PTPRN2: variants seen among roughly 807,000 people sequenced by gnomAD.
The protein encoded by PTPRN2 is receptor-type tyrosine-protein phosphatase N2.
A neutral mutation model predicts 118.8 loss-of-function variants in PTPRN2; 74 were observed. That is an observed-to-expected ratio of 0.62 (90% CI 0.52 to 0.76). The LOEUF is 0.76. PTPRN2 is among the 30% of genes least tolerant of loss of function. The probability of loss-of-function intolerance (pLI) is 0.00; values close to 1 mark genes in which losing one functional copy is unlikely to be tolerated. For missense variants in PTPRN2, 1,481 were observed against 1,394.4 expected (o/e 1.06, Z -0.99); for synonymous variants, 641 against 608.0 (o/e 1.05, Z -0.80).
At chr7:158,204,833 T>A (rs551765041) in intron 4 of PTPRN2, among the ~76,000 whole-genome samples, 2 of 152,338 alleles carry the variant, frequency 1.3e-5, no homozygotes, top group South Asian at 4.1e-4. Context: ...CACAATTCTG[T>A]TTTTTGTCTA....
chr7:157,564,139 A>AG (rs1241216975), intron 21 of PTPRN2, among the ~76,000 whole-genome samples: 1 of 146,116 alleles, frequency 6.8e-6, no homozygotes, highest in Non-Finnish European at 1.5e-5. Context: ...AGAAAAAAAA[A>AG]TATATTTTTG....
At chr7:157,968,266 C>T (rs1802080899) in intron 11 of PTPRN2, among the ~76,000 whole-genome samples, 3 of 151,716 alleles carry the variant, frequency 2.0e-5, no homozygotes, top group South Asian at 4.2e-4. Flanking sequence ...TCTCTCCAAA[C>T]CTTGAGGTTA....
intron 18 of PTPRN2, among the ~76,000 whole-genome samples, chr7:157,577,638 G>C (rs111735141): frequency 2.8e-4 from 42 of 152,304 alleles, no homozygotes; most frequent in African/African-American, 9.1e-4. Context: ...CCACTTAAAG[G>C]CTTGTTATAT....
At chr7:158,144,678 C>T (rs966016065) in intron 6 of PTPRN2, among the ~76,000 whole-genome samples, 4 of 152,144 alleles carry the variant, frequency 2.6e-5, no homozygotes, top group South Asian at 4.1e-4. Context: ...GCAGGCATCC[C>T]GGGGTGGAGC....
At chr7:158,141,958 T>A (rs1358964142) in intron 6 of PTPRN2, among the ~76,000 whole-genome samples, 1 of 152,140 alleles carries the variant, frequency 6.6e-6, no homozygotes, top group Non-Finnish European at 1.5e-5. Flanking sequence ...GCCACCGATG[T>A]CCCCTGCTGG....
At chr7:158,489,376 G>C (rs1158662756) in intron 2 of PTPRN2, among the ~76,000 whole-genome samples, 1 of 152,162 alleles carries the variant, frequency 6.6e-6, no homozygotes, top group African/African-American at 2.4e-5. Context: ...GAGCCCAGGA[G>C]GCGAAGGTTG....
intron 2 of PTPRN2, among the ~76,000 whole-genome samples, chr7:158,470,123 C>T (rs779986416): frequency 7.2e-5 from 11 of 152,284 alleles, no homozygotes; most frequent in Admixed American, 3.9e-4. Flanking sequence ...GGTGGAAAAT[C>T]GTCAAGTAGA....
chr7:157,798,006 C>G (rs866377841), intron 12 of PTPRN2, among the ~76,000 whole-genome samples: 1 of 152,208 alleles, frequency 6.6e-6, no homozygotes, highest in African/African-American at 2.4e-5. Context: ...TGCCTGTAAT[C>G]CCGGCACTTT....
At chr7:158,255,143 C>T (rs146735729) in intron 3 of PTPRN2, among the ~76,000 whole-genome samples, 4 of 152,302 alleles carry the variant, frequency 2.6e-5, no homozygotes, top group East Asian at 1.9e-4. Flanking sequence ...GCAGGCTTCA[C>T]GACGTGTGAG....
chr7:157,987,327 A>T lies in PTPRN2; in HGVS notation c.1724-88590T>A, dbSNP rs1428339732. 6.9e-6 allele frequency among the ~76,000 whole-genome samples: 1 copy of T among 145,666 alleles called. No homozygotes were observed. Among genetic ancestry groups the T allele is most frequent in the East Asian group, 2.1e-4 (1 of 4,686 alleles). Reference sequence around the variant, plus strand: ...AAAGGGGGCGAGGTTACCAGTCACTAAAGGGAAAGGGGGCGTGATGACCAG... The same window carrying T: ...AAAGGGGGCGAGGTTACCAGTCACTTAAGGGAAAGGGGGCGTGATGACCAG... On this transcript the variant is annotated intron_variant, in intron 11 of 22. Transcript: ENST00000389418. The surrounding 1 kb of genome is among the most constrained non-coding windows in gnomAD (Gnocchi z 4.3).
At chr7:157,563,235 C>G in intron 21 of PTPRN2, among the ~76,000 whole-genome samples, 1 of 139,814 alleles carries the variant, frequency 7.2e-6, no homozygotes, top group South Asian at 2.4e-4. Context: ...GGACCACGTG[C>G]TCCCGCGTCA....
At chr7:157,832,634 C>T (rs1394901522) in intron 12 of PTPRN2, among the ~76,000 whole-genome samples, 1 of 152,168 alleles carries the variant, frequency 6.6e-6, no homozygotes, top group Non-Finnish European at 1.5e-5. Flanking sequence ...GAAGGAGCTG[C>T]ACGTGTGGGG....
At chr7:158,007,285 G>C (rs1244218864) in intron 11 of PTPRN2, among the ~76,000 whole-genome samples, 1 of 152,258 alleles carries the variant, frequency 6.6e-6, no homozygotes, top group Non-Finnish European at 1.5e-5. Context: ...AGCTGCGGCA[G>C]TGCGGGGTGT....
intron 3 of PTPRN2, among the ~76,000 whole-genome samples, chr7:158,275,075 A>G (rs979572867): frequency 2.6e-5 from 4 of 152,298 alleles, no homozygotes; most frequent in African/African-American, 7.2e-5. Context: ...TCTTACCAGG[A>G]AAGAGGAGAC....
At position 158,466,990 on chromosome 7, in the gene PTPRN2, G is replaced by A. The variant is rs1377212683; in HGVS notation, c.163+22745C>T. 3.3e-5 allele frequency among the ~76,000 whole-genome samples: 5 copies of A among 152,228 alleles called. 1 individual carries two copies. The South Asian group carries it at 8.3e-4, about 25-fold the overall frequency. The stretch of plus-strand genomic sequence containing the variant: ...CAGGAGGCAGAGGTTGCAGTGAGCT[G>A]AGATCGTGCCACTGTAGGACAGAGC... On this transcript the variant is annotated intron_variant, in intron 2 of 22. Transcript: ENST00000389418.
chr7:157,810,433 C>A (rs569118886), intron 12 of PTPRN2, among the ~76,000 whole-genome samples: 1 of 149,148 alleles, frequency 6.7e-6, no homozygotes, highest in Non-Finnish European at 1.5e-5. Flanking sequence ...AGGCTCTCCA[C>A]GGGGACGGCG....
chr7:158,332,257 T>G (rs1383997674), intron 2 of PTPRN2, among the ~76,000 whole-genome samples: 1 of 146,198 alleles, frequency 6.8e-6, no homozygotes, highest in Non-Finnish European at 1.5e-5. Flanking sequence ...CAGACGTCAC[T>G]GACACCCACA....
At chr7:157,965,609 C>T (rs1177334311) in intron 11 of PTPRN2, among the ~76,000 whole-genome samples, 1 of 152,232 alleles carries the variant, frequency 6.6e-6, no homozygotes, top group Non-Finnish European at 1.5e-5. Flanking sequence ...GGCCCAGTGC[C>T]ATGAGAACTG....
chr7:158,287,183 T>G (rs1799823115), intron 3 of PTPRN2, among the ~76,000 whole-genome samples: 1 of 152,178 alleles, frequency 6.6e-6, no homozygotes, highest in Non-Finnish European at 1.5e-5. Context: ...TTTGTTGTAA[T>G]GTTTCCTCCT....
Sources: gnomAD v4.1 joint callset for allele counts (sites outside exome capture counted in the v4.1 genomes callset) on GRCh38, gnomAD v4.1.1 for gene constraint, Gnocchi (gnomAD v3.1) non-coding constraint, MANE v1.5 for transcripts, NCBI Gene and HGNC (gene_info 2026-07-23, HGNC 2026-07-21) for gene names.